ALK: variants seen among roughly 807,000 people sequenced by gnomAD.
ALK encodes the protein ALK receptor tyrosine kinase.
Under a neutral mutation model 163.1 loss-of-function variants are expected in ALK, and 74 were observed. The observed-to-expected ratio is 0.45, with a 90% CI of 0.38 to 0.55. ALK has a LOEUF of 0.55. Ranked by LOEUF, ALK falls within the 20% of genes least tolerant of loss-of-function variation. The pLI, the probability that ALK is intolerant of heterozygous loss-of-function variation, is 0.00. For missense variants in ALK, 2,063 were observed against 2,105.3 expected (o/e 0.98, Z 0.39); for synonymous variants, 960 against 843.2 (o/e 1.14, Z -2.40).
intron 2 of ALK, among the ~76,000 whole-genome samples, chr2:29,697,388 G>C (rs183812893): frequency 6.6e-6 from 1 of 152,282 alleles, no homozygotes; most frequent in East Asian, 1.9e-4. Flanking sequence ...GGGATGTTTT[G>C]TACTTTGTTG....
At chr2:29,390,578 G>GAAA (rs11404229) in intron 4 of ALK, among the ~76,000 whole-genome samples, 25 of 146,080 alleles carry the variant, frequency 1.7e-4, no homozygotes, top group African/African-American at 2.3e-4. Flanking sequence ...GAAAGAAAGA[G>GAAA]AAAAAAAAAA....
At chr2:29,645,981 C>T (rs923065145) in intron 3 of ALK, among the ~76,000 whole-genome samples, 2 of 152,182 alleles carry the variant, frequency 1.3e-5, no homozygotes, top group African/African-American at 4.8e-5. Context: ...TCAGTCTCAT[C>T]TCCCTAGTGA....
intron 3 of ALK, among the ~76,000 whole-genome samples, chr2:29,613,296 C>A (rs1464337818): frequency 6.6e-6 from 1 of 152,182 alleles, no homozygotes; most frequent in African/African-American, 2.4e-5. Context: ...ACTGGCATTT[C>A]TCATTCTCTT....
At chr2:29,299,791 G>A (rs1666313080) in intron 8 of ALK, among the ~76,000 whole-genome samples, 1 of 152,168 alleles carries the variant, frequency 6.6e-6, no homozygotes, top group Non-Finnish European at 1.5e-5. Context: ...TTAGGAGAGA[G>A]TTTTTGGAAG....
chr2:29,918,888 CT>C (rs1667906118), intron 1 of ALK, among the ~76,000 whole-genome samples: 1 of 152,282 alleles, frequency 6.6e-6, no homozygotes, highest in South Asian at 2.1e-4. Flanking sequence ...TTTGTGTAGG[CT>C]TTTTAAAAGC....
intron 3 of ALK, among the ~76,000 whole-genome samples, chr2:29,659,138 A>G (rs1007887006): frequency 6.6e-6 from 1 of 152,160 alleles, no homozygotes; most frequent in Non-Finnish European, 1.5e-5. Context: ...TGCCTCTCCC[A>G]GAACTAATAT....
At chr2:29,844,145 A>G (rs897190644) in intron 1 of ALK, among the ~76,000 whole-genome samples, 3 of 152,236 alleles carry the variant, frequency 2.0e-5, no homozygotes, top group Non-Finnish European at 4.4e-5. Flanking sequence ...CGGAACTGCT[A>G]TCTGAAGGAT....
At chr2:29,862,932 A>G (rs950434211) in intron 1 of ALK, among the ~76,000 whole-genome samples, 3 of 152,216 alleles carry the variant, frequency 2.0e-5, no homozygotes, top group African/African-American at 7.2e-5. Context: ...GAGCAATGGA[A>G]CAGCAAGAGA....
chr2:29,840,097 G>A (rs1050437849), intron 1 of ALK, among the ~76,000 whole-genome samples: 11 of 152,262 alleles, frequency 7.2e-5, no homozygotes, highest in African/African-American at 1.9e-4. Context: ...TAACTGCTAC[G>A]TTATACCGCC....
At chr2:29,709,531 G>A (rs976056911) in intron 2 of ALK, among the ~76,000 whole-genome samples, 1 of 152,188 alleles carries the variant, frequency 6.6e-6, no homozygotes, top group African/African-American at 2.4e-5. Context: ...ATTCCTTGAC[G>A]TTTAAATGCT....
At chr2:29,362,863 A>C (rs567357543) in intron 5 of ALK, among the ~76,000 whole-genome samples, 1 of 152,298 alleles carries the variant, frequency 6.6e-6, no homozygotes, top group South Asian at 2.1e-4. Context: ...CAAACAAACA[A>C]ACAGAAAAAA....
At position 29,229,039 on chromosome 2, in the gene ALK, G is replaced by A; in HGVS notation, c.2660C>T (p.Thr887Ile). 1 of 1,612,782 alleles carries A rather than the reference G, an allele frequency of 6.2e-7. No homozygotes were observed. Among genetic ancestry groups the A allele is most frequent in the Non-Finnish European group, 8.5e-7 (1 of 1,179,648 alleles). ...AGGGGGWNDN[T>I]SLLWAGKSLQ... The stretch of plus-strand genomic sequence containing the variant: ...AGATTTTCCGGCCCAGAGCAAGGAA[G>A]TGTTATCATTCCAGCCACCTCCACC... Residue 887 changes from threonine to isoleucine, a missense_variant, in exon 16 of 29, where the codon ACT (threonine) becomes ATT (isoleucine). Thr to Ile is a moderately conservative substitution (Grantham distance 89). This residue lies in a region of ALK where 575 missense variants were observed against 626.6 expected (regional missense o/e 0.92). Coordinates refer to ENST00000389048, the MANE Select transcript of ALK (RefSeq NM_004304.5).
chr2:29,887,723 G>A (rs1302205853), intron 1 of ALK, among the ~76,000 whole-genome samples: 2 of 152,098 alleles, frequency 1.3e-5, no homozygotes, highest in Admixed American at 1.3e-4. Context: ...TCACACTGTG[G>A]GTAGGAAAGG....
At chr2:29,512,155 T>C (rs1672538684) in intron 4 of ALK, among the ~76,000 whole-genome samples, 1 of 152,218 alleles carries the variant, frequency 6.6e-6, no homozygotes, top group Non-Finnish European at 1.5e-5. Context: ...AATAATTTTC[T>C]CTTATGTTTT....
At chr2:29,405,153 CCCTACACAATAA>C (rs1432182691) in intron 4 of ALK, among the ~76,000 whole-genome samples, 2 of 152,216 alleles carry the variant, frequency 1.3e-5, no homozygotes, top group Admixed American at 1.3e-4. Flanking sequence ...GCATCTGCCA[CCCTACACAATAA>C]TTAGCCAGCT....
chr2:29,505,669 A>T (rs1414597129), intron 4 of ALK, among the ~76,000 whole-genome samples: 1 of 152,130 alleles, frequency 6.6e-6, no homozygotes. Flanking sequence ...CACTTGCTTC[A>T]TACCAATAAA....
chr2:29,688,035 T>C (rs1231275516), intron 3 of ALK, among the ~76,000 whole-genome samples: 2 of 152,354 alleles, frequency 1.3e-5, no homozygotes, highest in East Asian at 1.9e-4. Context: ...TATAAAGATA[T>C]ATCTCGACTT....
intron 4 of ALK, among the ~76,000 whole-genome samples, chr2:29,386,357 T>C (rs753939432): frequency 7.9e-5 from 12 of 152,122 alleles, no homozygotes; most frequent in South Asian, 2.1e-4. Flanking sequence ...ACTGGTGCAA[T>C]TGAAGGAAAA....
intron 3 of ALK, among the ~76,000 whole-genome samples, chr2:29,624,227 G>A (rs1345238133): frequency 2.9e-5 from 2 of 69,830 alleles, no homozygotes; most frequent in Admixed American, 1.5e-4. Flanking sequence ...GTGGAGATGT[G>A]TGAGGGAGGC....
Sources: allele counts gnomAD v4.1 joint callset (sites outside exome capture counted in the v4.1 genomes callset), GRCh38; gene constraint gnomAD v4.1.1; regional missense constraint gnomAD v4.1.1; transcripts MANE v1.5; gene names NCBI Gene and HGNC (gene_info 2026-07-23, HGNC 2026-07-21).